PRR16: variants seen among roughly 807,000 people sequenced by gnomAD.
PRR16 encodes the protein proline rich 16, also known as protein Largen.
Under a neutral mutation model 18.2 loss-of-function variants are expected in PRR16, and 6 were observed. The observed-to-expected ratio is 0.33, with a 90% CI of 0.18 to 0.65. The LOEUF (loss-of-function observed/expected upper bound fraction) is 0.65, where lower values mean the gene tolerates loss of function less well. Among genes scored for constraint, PRR16 ranks in the 30% least tolerant of loss-of-function variants. The pLI is 0.74. For missense variants in PRR16, 412 were observed against 376.6 expected (o/e 1.09, Z -0.78); for synonymous variants, 151 against 147.8 (o/e 1.02, Z -0.16).
chr5:120,573,327 C>T (rs761876625), intron 1 of PRR16, among the ~76,000 whole-genome samples: 1 of 152,094 alleles, frequency 6.6e-6, no homozygotes, highest in Non-Finnish European at 1.5e-5. Context: ...ACTCTTATTT[C>T]AAAATGGCAA....
At chr5:120,719,552 T>C in the PRR16 span, among the ~76,000 whole-genome samples, 12 of 152,054 alleles carry the variant, frequency 7.9e-5, no homozygotes, top group Admixed American at 7.2e-4. Context: ...GATGGGAAGA[T>C]TTTTATGCTC....
At chr5:120,586,037 G>C (rs1166471801) in intron 1 of PRR16, among the ~76,000 whole-genome samples, 1 of 151,910 alleles carries the variant, frequency 6.6e-6, no homozygotes, top group African/African-American at 2.4e-5. Context: ...GCTGGGCGTG[G>C]TGGCACGTGC....
the PRR16 span, among the ~76,000 whole-genome samples, chr5:120,701,184 CTAT>C: frequency 1.3e-5 from 2 of 151,988 alleles, no homozygotes; most frequent in Non-Finnish European, 2.9e-5. Flanking sequence ...CAACTTTTTT[CTAT>C]TATTGTACAC....
the PRR16 span, among the ~76,000 whole-genome samples, chr5:120,718,785 G>A: frequency 3.9e-5 from 6 of 152,150 alleles, no homozygotes; most frequent in East Asian, 1.9e-4. Flanking sequence ...AGGTAGGCAG[G>A]CAAGTATTAC....
chr5:120,622,866 ATG>A (rs763538515), intron 1 of PRR16, among the ~76,000 whole-genome samples: 1 of 137,288 alleles, frequency 7.3e-6, no homozygotes, highest in African/African-American at 3.3e-5. Flanking sequence ...TTAAAAGACT[ATG>A]TGTCAAAAAG....
intron 1 of PRR16, among the ~76,000 whole-genome samples, chr5:120,566,196 G>A (rs1752732019): frequency 6.6e-6 from 1 of 152,148 alleles, no homozygotes; most frequent in African/African-American, 2.4e-5. Flanking sequence ...TGTTCAGTGT[G>A]CTGTCACTCT....
chr5:120,750,963 T>C, the PRR16 span, among the ~76,000 whole-genome samples: 2 of 152,168 alleles, frequency 1.3e-5, no homozygotes, highest in African/African-American at 4.8e-5. Context: ...TTCCAGCCAC[T>C]GGTAACCATC....
intron 1 of PRR16, among the ~76,000 whole-genome samples, chr5:120,541,029 T>C (rs1443007411): frequency 6.6e-6 from 1 of 152,264 alleles, no homozygotes; most frequent in Non-Finnish European, 1.5e-5. Context: ...ACATGTATTT[T>C]ATAAAGAGAT....
rs563268157 is a variant in PRR16, at chr5:120,598,403, G to A, written c.160-87551G>A. On this transcript the variant is annotated intron_variant, in intron 1 of 1. Coordinates refer to ENST00000407149, the MANE Select transcript of PRR16 (RefSeq NM_001300783.2). ...CCTCCTGTCTTTTTCTTATGCAAAA[G>A]GATGTGAATGTGTACTTTTTTTTTC... 2.2e-3 allele frequency among the ~76,000 whole-genome samples: 327 copies of A among 151,916 alleles called. 4 individuals are homozygous for A. The highest frequency in any genetic ancestry group is 4.3e-3 in the Non-Finnish European group (289 of 67,852).
At chr5:120,794,553 G>T in the PRR16 span, among the ~76,000 whole-genome samples, 1 of 152,062 alleles carries the variant, frequency 6.6e-6, no homozygotes, top group Non-Finnish European at 1.5e-5. Flanking sequence ...ATAAGATGGC[G>T]AACTTAATCA....
chr5:120,754,803 G>C, the PRR16 span, among the ~76,000 whole-genome samples: 4 of 150,016 alleles, frequency 2.7e-5, no homozygotes, highest in Admixed American at 6.8e-5. Flanking sequence ...TATACCATTG[G>C]TAAATTAAAA....
chr5:120,575,318 A>AACAC (rs3047956), intron 1 of PRR16, among the ~76,000 whole-genome samples: 8,404 of 138,146 alleles, frequency 0.061, 331 homozygotes, highest in African/African-American at 0.095. Context: ...CAGACAAGGA[A>AACAC]ACACACACAC....
chr5:120,535,358 C>G (rs887077535), intron 1 of PRR16, among the ~76,000 whole-genome samples: 2 of 152,114 alleles, frequency 1.3e-5, no homozygotes, highest in Non-Finnish European at 2.9e-5. Context: ...TTACTTTATT[C>G]TTTCTTACTC....
At chr5:120,548,888 C>T (rs1028920776) in intron 1 of PRR16, among the ~76,000 whole-genome samples, 6 of 148,214 alleles carry the variant, frequency 4.0e-5, no homozygotes, top group Admixed American at 1.3e-4. Context: ...TGAGTTTAAA[C>T]GCACTGATAC....
the PRR16 span, among the ~76,000 whole-genome samples, chr5:120,693,135 T>A: frequency 8.5e-5 from 13 of 152,186 alleles, no homozygotes; most frequent in Non-Finnish European, 1.9e-4. Flanking sequence ...TATATAATAT[T>A]AATCTAGAGG....
At chr5:120,767,910 A>G in the PRR16 span, among the ~76,000 whole-genome samples, 33 of 151,844 alleles carry the variant, frequency 2.2e-4, no homozygotes, top group South Asian at 6.2e-4. Context: ...CTTTTATGAT[A>G]TATCAATTAT....
intron 1 of PRR16, among the ~76,000 whole-genome samples, chr5:120,677,829 T>G (rs962846182): frequency 1.3e-5 from 2 of 151,890 alleles, no homozygotes; most frequent in Non-Finnish European, 2.9e-5. Flanking sequence ...ATATGGAAAT[T>G]TATTTGAAGA....
intron 1 of PRR16, among the ~76,000 whole-genome samples, chr5:120,627,594 A>G (rs978095573): frequency 6.6e-6 from 1 of 152,036 alleles, no homozygotes; most frequent in Non-Finnish European, 1.5e-5. Flanking sequence ...TGAATGCATC[A>G]TTTTTCACTA....
chr5:120,528,830 G>A (rs1751454970), intron 1 of PRR16, among the ~76,000 whole-genome samples: 1 of 152,132 alleles, frequency 6.6e-6, no homozygotes, highest in Admixed American at 6.6e-5. Context: ...ATACTGATGA[G>A]GAGTACAAGA....
Sources: gnomAD v4.1 joint callset for allele counts (sites outside exome capture counted in the v4.1 genomes callset) on GRCh38, gnomAD v4.1.1 for gene constraint, MANE v1.5 for transcripts, NCBI Gene and HGNC (gene_info 2026-07-23, HGNC 2026-07-21) for gene names.